SCD5: variants seen among roughly 807,000 people sequenced by gnomAD.
The protein encoded by SCD5 is acyl-CoA-desaturase 4.
SCD5 carries 20 observed loss-of-function variants against 30.4 expected under a neutral mutation model. The observed-to-expected ratio is 0.66, with a 90% CI of 0.46 to 0.96. The LOEUF (loss-of-function observed/expected upper bound fraction) is 0.96. Ranked by LOEUF, SCD5 falls within the 40% of genes least tolerant of loss-of-function variation. The pLI, the probability that SCD5 is intolerant of heterozygous loss-of-function variation, is 0.00. For synonymous variants in SCD5, 173 were observed against 176.4 expected, an observed-to-expected ratio of 0.98 and a Z score of 0.16; for missense variants, 381 against 443.3, an observed-to-expected ratio of 0.86 and a Z score of 1.26.
intron 1 of SCD5, among the ~76,000 whole-genome samples, chr4:82,712,596 G>A (rs923919674): frequency 2.0e-5 from 3 of 151,922 alleles, no homozygotes; most frequent in Non-Finnish European, 2.9e-5. Context: ...GATTACAGGC[G>A]TGAGCCACCA....
chr4:82,695,134 A>G (rs1452185917), intron 2 of SCD5, among the ~76,000 whole-genome samples: 2 of 152,096 alleles, frequency 1.3e-5, no homozygotes, highest in East Asian at 3.8e-4. Flanking sequence ...ATTACACTGA[A>G]GTACACCAAC....
chr4:82,762,117 T>G (rs991267751), intron 1 of SCD5, among the ~76,000 whole-genome samples: 20 of 144,600 alleles, frequency 1.4e-4, no homozygotes, highest in Non-Finnish European at 3.0e-4. Flanking sequence ...GAGGCTGCAG[T>G]GAGCCAAGAT....
At chr4:82,660,546 T>C in intron 3 of SCD5, 2 of 1,151,286 alleles carry the variant, frequency 1.7e-6, no homozygotes, top group Non-Finnish European at 2.2e-6. Context: ...TTATTGCACA[T>C]CTCCTCCATA....
intron 1 of SCD5, among the ~76,000 whole-genome samples, chr4:82,712,379 G>A (rs28430812): frequency 0.36 from 45,962 of 128,978 alleles, 9,242 homozygotes; most frequent in African/African-American, 0.52. Context: ...GTGCAATGGC[G>A]TGATCTCGGC....
intron 1 of SCD5, among the ~76,000 whole-genome samples, chr4:82,749,086 A>C (rs561426659): frequency 1.3e-5 from 2 of 152,362 alleles, no homozygotes; most frequent in Non-Finnish European, 2.9e-5. Context: ...TTACTTGTAC[A>C]TGAGGCTCTT....
intron 1 of SCD5, among the ~76,000 whole-genome samples, chr4:82,747,353 A>G (rs1414615307): frequency 6.6e-6 from 1 of 152,192 alleles, no homozygotes; most frequent in Non-Finnish European, 1.5e-5. Context: ...TGAGTCTCAC[A>G]GTTAATAAAT....
Position 82,631,382 on chromosome 4 carries a change from GC to G in SCD5, c.937del (p.Ala313GlnfsTer5). On this transcript the variant is annotated frameshift_variant, in exon 5 of 5. Coordinates refer to ENST00000319540, the MANE Select transcript of SCD5 (RefSeq NM_001037582.3). LOFTEE classifies it high-confidence loss of function. ...WLGLATDRKR[A>X]TKPMIEARKA... ...CCGGGCCTCGATCATCGGCTTGGTT[GC>G]CCGTTTGCGGTCAGTGGCCAGCCCC... 6.2e-7 allele frequency: 1 copy of G among 1,614,024 alleles called. No individual in the cohort carries two copies. Among genetic ancestry groups the G allele is most frequent in the Non-Finnish European group, 8.5e-7 (1 of 1,180,016 alleles).
At chr4:82,634,314 G>C (rs1727378487) in intron 4 of SCD5, among the ~76,000 whole-genome samples, 2 of 152,082 alleles carry the variant, frequency 1.3e-5, no homozygotes, top group African/African-American at 4.8e-5. Context: ...TTAACTGTTT[G>C]AGAAACTGTC....
At chr4:82,737,542 C>T (rs895370212) in intron 1 of SCD5, among the ~76,000 whole-genome samples, 2 of 152,178 alleles carry the variant, frequency 1.3e-5, no homozygotes, top group African/African-American at 4.8e-5. Context: ...GGTGGCTGCA[C>T]ACTGTAATCC....
chr4:82,794,409 AT>A (rs1253138761), intron 1 of SCD5, among the ~76,000 whole-genome samples: 5 of 152,112 alleles, frequency 3.3e-5, no homozygotes, highest in Admixed American at 6.6e-5. Flanking sequence ...AAAGGCCTTG[AT>A]GTTTCTGGGA....
At chr4:82,684,184 C>A (rs1728645984) in intron 2 of SCD5, among the ~76,000 whole-genome samples, 1 of 152,124 alleles carries the variant, frequency 6.6e-6, no homozygotes, top group African/African-American at 2.4e-5. Flanking sequence ...TACCTGACTG[C>A]AATAGTGGAA....
intron 1 of SCD5, among the ~76,000 whole-genome samples, chr4:82,789,054 A>G (rs1560564291): frequency 6.6e-6 from 1 of 152,186 alleles, no homozygotes. Context: ...AATTTGCTAC[A>G]CAAGTTTGTA....
chr4:82,726,604 C>T (rs930330931), intron 1 of SCD5, among the ~76,000 whole-genome samples: 6 of 151,026 alleles, frequency 4.0e-5, no homozygotes, highest in Non-Finnish European at 8.8e-5. Context: ...ATATAATACA[C>T]GTTGCAATCT....
intron 1 of SCD5, among the ~76,000 whole-genome samples, chr4:82,706,289 T>C (rs1719967674): frequency 2.0e-5 from 3 of 152,248 alleles, no homozygotes; most frequent in Admixed American, 2.0e-4. Flanking sequence ...AGGCTGGACC[T>C]TGGGTGCAAT....
chr4:82,680,315 T>C (rs1728540561), intron 3 of SCD5, among the ~76,000 whole-genome samples: 1 of 151,826 alleles, frequency 6.6e-6, no homozygotes, highest in Non-Finnish European at 1.5e-5. Flanking sequence ...CTGGAGAGAG[T>C]TCAGTCCTTT....
At chr4:82,665,742 C>T (rs1200193816) in intron 3 of SCD5, among the ~76,000 whole-genome samples, 1 of 151,896 alleles carries the variant, frequency 6.6e-6, no homozygotes, top group Non-Finnish European at 1.5e-5. Context: ...TTAGGATACA[C>T]ACATACAAAA....
At chr4:82,636,498 A>T in intron 4 of SCD5, 93 bp downstream of exon 4, 2 of 930,990 alleles carry the variant, frequency 2.1e-6, no homozygotes, top group Non-Finnish European at 3.3e-6. Flanking sequence ...ATTCCACTCC[A>T]CTGCTTCTCT....
At position 82,713,819 on chromosome 4, in the gene SCD5, A is replaced by G. The variant is rs534670456; in HGVS notation, c.233-8406T>C. On this transcript the variant is annotated intron_variant, in intron 1 of 4. Coordinates refer to ENST00000319540, the MANE Select transcript of SCD5 (RefSeq NM_001037582.3). The stretch of plus-strand genomic sequence containing the variant: ...TCCATATGCGGTCCCTCTCTCCTAG[A>G]CATTGACCTCATACCTGCTCCGATC... Among the ~76,000 whole-genome samples the G allele has an allele frequency of 5.3e-5, 8 of 152,236 alleles. No individual in the cohort carries two copies. In the East Asian group the frequency reaches 1.5e-3, roughly 29 times the overall value.
chr4:82,696,218 A>G (rs1034722592), intron 2 of SCD5, among the ~76,000 whole-genome samples: 1 of 152,232 alleles, frequency 6.6e-6, no homozygotes, highest in South Asian at 2.1e-4. Flanking sequence ...CTGAAACTCA[A>G]TAAATATTAT....
Sources: gnomAD v4.1 joint callset for allele counts (sites outside exome capture counted in the v4.1 genomes callset) on GRCh38, gnomAD v4.1.1 for gene constraint, MANE v1.5 for transcripts, NCBI Gene and HGNC (gene_info 2026-07-23, HGNC 2026-07-21) for gene names.